PLEKHA8: variants seen among roughly 807,000 people sequenced by gnomAD.
The protein encoded by PLEKHA8 is pleckstrin homology domain-containing family A member 8.
Under a neutral mutation model 68.2 loss-of-function variants are expected in PLEKHA8, and 36 were observed. That is an observed-to-expected ratio of 0.53 (90% CI 0.40 to 0.70). The LOEUF (loss-of-function observed/expected upper bound fraction) is 0.70. PLEKHA8 is among the 30% of genes least tolerant of loss of function. The probability of loss-of-function intolerance (pLI) is 0.00; values close to 1 mark genes in which losing one functional copy is unlikely to be tolerated. For synonymous variants in PLEKHA8, 211 were observed against 216.1 expected, an observed-to-expected ratio of 0.98 and a Z score of 0.20; for missense variants, 505 against 615.4, an observed-to-expected ratio of 0.82 and a Z score of 1.90.
chr7:30,028,762 C>T lies in PLEKHA8; in HGVS notation c.-1C>T, dbSNP rs1378544211. 3 of 1,268,110 alleles carry T rather than the reference C, an allele frequency of 2.4e-6. No individual in the cohort carries two copies. Among genetic ancestry groups the T allele is most frequent in the Non-Finnish European group, 3.0e-6 (3 of 1,001,054 alleles). The allele number at this position is 1,268,110 out of a possible 1,614,324, so 78.6% of individuals were successfully genotyped here. A position where few individuals can be genotyped will look rare whatever the true frequency, so the allele number is the denominator to read the frequency against. On this transcript the variant is annotated 5_prime_UTR_variant, in exon 1 of 14. Transcript: ENST00000449726. Reference sequence around the variant, plus strand: ...GCGTGGGCCGAGTGGCCGCGGGCGCCATGGAGGGGGTGCTGTACAAGTGGA... The same window carrying T: ...GCGTGGGCCGAGTGGCCGCGGGCGCTATGGAGGGGGTGCTGTACAAGTGGA...
exon 14 of PLEKHA8, chr7:30,129,426 G>C: frequency 8.7e-7 from 1 of 1,143,130 alleles, no homozygotes; most frequent in Admixed American, 2.0e-5. Context: ...CCCACCTCCA[G>C]ATCTCATTCA....
chr7:30,080,874 A>G lies in PLEKHA8; in HGVS notation c.*2087A>G. On this transcript the variant is annotated 3_prime_UTR_variant, in exon 14 of 14. Transcript: ENST00000449726. ...AAGCCAGTTTTTGCTTGTACTTTGA[A>G]TGAAGATGTTTTAGGCATTGTACCA... The G allele has an allele frequency of 1.0e-6, 1 of 985,352 alleles. No homozygotes were observed. Among genetic ancestry groups the G allele is most frequent in the Non-Finnish European group, 1.2e-6 (1 of 829,916 alleles). The allele number at this position is 985,352 out of a possible 1,614,324, so 61.0% of individuals were successfully genotyped here.
chr7:30,094,537 A>G (rs1279638099), downstream of PLEKHA8, among the ~76,000 whole-genome samples: 1 of 151,432 alleles, frequency 6.6e-6, no homozygotes, highest in African/African-American at 2.4e-5. Context: ...TTATACTTCA[A>G]GTTTTAGGAA....
chr7:30,096,733 T>G (rs1221567124), intron 13 of PLEKHA8, among the ~76,000 whole-genome samples: 1 of 152,212 alleles, frequency 6.6e-6, no homozygotes, highest in Non-Finnish European at 1.5e-5. Context: ...GCATGTGAGA[T>G]GGGTTTCCTG....
chr7:30,116,014 GCA>G (rs1796511325), intron 13 of PLEKHA8: 1 of 144,228 alleles, frequency 6.9e-6, no homozygotes, highest in African/African-American at 2.6e-5. Context: ...GCATACATAC[GCA>G]TACATACGTA....
chr7:30,082,007 C>T lies in PLEKHA8; in HGVS notation c.*3220C>T. 2 of 933,808 alleles carry T rather than the reference C, an allele frequency of 2.1e-6. No individual in the cohort carries two copies. Among genetic ancestry groups the T allele is most frequent in the Non-Finnish European group, 2.6e-6 (2 of 783,214 alleles). 57.8% of individuals were successfully genotyped at this position (933,808 alleles called of 1,614,324 possible). A position where few individuals can be genotyped will look rare whatever the true frequency, so the allele number is the denominator to read the frequency against. On this transcript the variant is annotated 3_prime_UTR_variant, in exon 14 of 14. Transcript: ENST00000449726. ...TTTTGGGAGTGAAACCAAATTGTAA[C>T]TATGAGGAGAAGATGGTCTTCTCAT...
intron 9 of PLEKHA8, among the ~76,000 whole-genome samples, chr7:30,056,821 A>ATATATATG (rs1162592943): frequency 2.6e-4 from 38 of 144,554 alleles, no homozygotes; most frequent in African/African-American, 9.3e-4. Flanking sequence ...TATGTTATGT[A>ATATATATG]TATATATGTT....
intron 13 of PLEKHA8, among the ~76,000 whole-genome samples, chr7:30,102,039 T>A (rs1428042304): frequency 6.6e-6 from 1 of 152,198 alleles, no homozygotes; most frequent in Non-Finnish European, 1.5e-5. Context: ...ATACATCTGA[T>A]AAGGGACTGG....
At chr7:30,042,889 C>G (rs996168608) in intron 1 of PLEKHA8, among the ~76,000 whole-genome samples, 2 of 152,216 alleles carry the variant, frequency 1.3e-5, no homozygotes, top group Admixed American at 6.5e-5. Flanking sequence ...CTGTGCCCAA[C>G]AAGATACAGT....
intron 1 of PLEKHA8, among the ~76,000 whole-genome samples, chr7:30,034,010 C>CTTTTT (rs56796780): frequency 3.8e-4 from 13 of 34,666 alleles, no homozygotes; most frequent in African/African-American, 7.6e-4. Flanking sequence ...TAAGAGGTTT[C>CTTTTT]TTTTTTTTTT....
chr7:30,062,857 T>G, intron 12 of PLEKHA8, 115 bp downstream of exon 12: 1 of 744,624 alleles, frequency 1.3e-6, no homozygotes, highest in Non-Finnish European at 2.1e-6. Context: ...ATTTTGTTTC[T>G]TTTCTTATTT....
Position 30,081,068 on chromosome 7 carries a change from A to T in PLEKHA8, c.*2281A>T. On this transcript the variant is annotated 3_prime_UTR_variant, in exon 14 of 14. Transcript: ENST00000449726. ...CAACTCTGAATACACACAAAAGGAA[A>T]GCTGCTCAGCATGGCCATTTTGCAT... is the stretch of plus-strand genomic sequence containing the variant. 3.0e-6 allele frequency: 3 copies of T among 985,302 alleles called. No individual in the cohort carries two copies. Among genetic ancestry groups the T allele is most frequent in the Non-Finnish European group, 3.6e-6 (3 of 829,900 alleles). 61.0% of individuals were successfully genotyped at this position (985,302 alleles called of 1,614,324 possible).
chr7:30,128,397 A>G (rs1262087442), intron 13 of PLEKHA8, among the ~76,000 whole-genome samples: 2 of 152,232 alleles, frequency 1.3e-5, no homozygotes, highest in African/African-American at 2.4e-5. Context: ...GTGAGCCACT[A>G]TGCCCGGCTG....
chr7:30,117,212 T>A (rs994150753), intron 13 of PLEKHA8, among the ~76,000 whole-genome samples: 3 of 152,176 alleles, frequency 2.0e-5, no homozygotes, highest in African/African-American at 2.4e-5. Context: ...TTCAAACTCA[T>A]GCCATACAAT....
Position 30,062,738 on chromosome 7 carries a change from C to A in PLEKHA8, c.1296C>A (p.Ala432=), listed in dbSNP as rs767150647. The A allele has an allele frequency of 5.6e-6, 9 of 1,611,894 alleles. No individual in the cohort carries two copies. The highest frequency in any genetic ancestry group is 6.8e-6 in the Non-Finnish European group (8 of 1,178,218). ...VKNGEKDIQT[A]LNNAYGKTLR... is the part of the protein sequence containing the mutation. ...ATGGGGAGAAGGATATCCAGACAGC[C>A]CTAAGTAAGTGTTCTTTATGTTTTG... Residue 432 remains alanine (A), a synonymous_variant, in exon 12 of 14, where the codon GCC becomes GCA. Transcript: ENST00000449726.
At chr7:30,109,211 G>A (rs1476570571) in intron 13 of PLEKHA8, among the ~76,000 whole-genome samples, 1 of 152,142 alleles carries the variant, frequency 6.6e-6, no homozygotes, top group East Asian at 1.9e-4. Context: ...GTATAAAAAA[G>A]TTGGAAAGTT....
chr7:30,036,443 GATAGATA>G (rs1791098806), intron 1 of PLEKHA8, among the ~76,000 whole-genome samples: 1 of 150,540 alleles, frequency 6.6e-6, no homozygotes, highest in African/African-American at 2.4e-5. Context: ...TAGATAGATA[GATAGATA>G]GATAGATAGA....
chr7:30,118,459 G>C (rs1347334323), intron 13 of PLEKHA8: 3 of 155,516 alleles, frequency 1.9e-5, no homozygotes, highest in African/African-American at 4.8e-5. Flanking sequence ...CAAGGGGAAA[G>C]GCATGGGCTG....
At chr7:30,048,682 G>T (rs1180735223) in intron 4 of PLEKHA8, among the ~76,000 whole-genome samples, 3 of 152,198 alleles carry the variant, frequency 2.0e-5, no homozygotes, top group African/African-American at 7.2e-5. Context: ...TATAATGAAA[G>T]ATTTTCATTT....
Sources: gnomAD v4.1 joint callset for allele counts (sites outside exome capture counted in the v4.1 genomes callset) on GRCh38, gnomAD v4.1.1 for gene constraint, MANE v1.5 for transcripts, NCBI Gene and HGNC (gene_info 2026-07-23, HGNC 2026-07-21) for gene names.